The following FGF18 variants were observed in gnomAD, a reference collection of about 807,000 sequenced individuals.
The protein encoded by FGF18 is fibroblast growth factor 18.
Under a neutral mutation model 23.0 loss-of-function variants are expected in FGF18, and 5 were observed. The observed-to-expected ratio is 0.22, with a 90% confidence interval of 0.11 to 0.46. FGF18 has a LOEUF of 0.46. Among genes scored for constraint, FGF18 ranks in the 20% least tolerant of loss-of-function variants. The probability of loss-of-function intolerance (pLI) is 0.99; values close to 1 mark genes in which losing one functional copy is unlikely to be tolerated. For synonymous variants in FGF18, 117 were observed against 118.9 expected (o/e 0.98, Z 0.10); for missense variants, 180 against 291.6 (o/e 0.62, Z 2.79).
intron 3 of FGF18, among the ~76,000 whole-genome samples, chr5:171,438,082 CT>C (rs1772279505): frequency 6.6e-6 from 1 of 151,040 alleles, no homozygotes; most frequent in African/African-American, 2.4e-5. Context: ...TAACGCAGTG[CT>C]TCTTCTTTTT....
At chr5:171,450,418 AC>A (rs1772480529) in intron 4 of FGF18, among the ~76,000 whole-genome samples, 1 of 152,164 alleles carries the variant, frequency 6.6e-6, no homozygotes, top group African/African-American at 2.4e-5. Context: ...CCGGCACTGA[AC>A]TGAAACGCTC....
chr5:171,443,500 C>CTTTTTTTTTTTTTTTTTTT lies in FGF18; in HGVS notation c.251-5647_251-5646insTTTTTTTTTTTTTTTTTTT, dbSNP rs766926286. 1.5e-3 allele frequency among the ~76,000 whole-genome samples: 103 copies of CTTTTTTTTTTTTTTTTTTT among 70,296 alleles called. 19 individuals carry two copies. Among genetic ancestry groups the CTTTTTTTTTTTTTTTTTTT allele is most frequent in the African/African-American group, 1.8e-3 (42 of 23,690 alleles). The allele number at this position is 70,296 out of a possible 152,430, so 46.1% of individuals were successfully genotyped here. A position where few individuals can be genotyped will look rare whatever the true frequency, so the allele number is the denominator to read the frequency against. ...TCAGATAAGTATTCACTGTTATCAT[C>CTTTTTTTTTTTTTTTTTTT]ATTTTTTTTTTTTTTTTTTTTTTTT... On this transcript the variant is annotated intron_variant, in intron 3 of 4. Coordinates refer to ENST00000274625, the MANE Select transcript of FGF18 (RefSeq NM_003862.3).
At chr5:171,445,781 G>A (rs956614675) in intron 3 of FGF18, among the ~76,000 whole-genome samples, 10 of 152,112 alleles carry the variant, frequency 6.6e-5, no homozygotes, top group African/African-American at 7.2e-5. Context: ...ACGGTGGCCC[G>A]GCCAGGGCAG....
intron 3 of FGF18, among the ~76,000 whole-genome samples, chr5:171,438,099 CTTTTT>C (rs372013681): frequency 1.5e-5 from 2 of 135,684 alleles, no homozygotes. Flanking sequence ...TTTTTCTTTT[CTTTTT>C]TTTTTTTTTT....
rs555488887 is a variant in FGF18 at position 171,440,343 on chromosome 5, C to G, written c.250+4070C>G. On this transcript the variant is annotated intron_variant, in intron 3 of 4. Coordinates refer to ENST00000274625, the MANE Select transcript of FGF18 (RefSeq NM_003862.3). The surrounding 1 kb of genome is among the most constrained non-coding windows in gnomAD (Gnocchi z 4.0). ...GTACTCCTGTCTGCTGTCAGTGGGACCTGGCAGGTTAGATGCAGGTAGAAG... is the reference window on the plus strand; with the variant it reads ...GTACTCCTGTCTGCTGTCAGTGGGAGCTGGCAGGTTAGATGCAGGTAGAAG... 2.4e-4 allele frequency among the ~76,000 whole-genome samples: 36 copies of G among 152,114 alleles called. No individual in the cohort carries two copies. Among genetic ancestry groups the G allele is most frequent in the African/African-American group, 8.2e-4 (34 of 41,470 alleles).
intron 2 of FGF18, among the ~76,000 whole-genome samples, chr5:171,425,876 C>G (rs1016216053): frequency 6.6e-6 from 1 of 152,172 alleles, no homozygotes; most frequent in Non-Finnish European, 1.5e-5. Context: ...CACAACCAGC[C>G]TGGAACTAGG....
chr5:171,432,853 G>T (rs150598627), intron 2 of FGF18, among the ~76,000 whole-genome samples: 40 of 152,322 alleles, frequency 2.6e-4, no homozygotes, highest in Non-Finnish European at 5.3e-4. Context: ...ACTTTTGGCC[G>T]CCGCCTTTTG....
At chr5:171,428,066 A>G (rs1262809336) in intron 2 of FGF18, among the ~76,000 whole-genome samples, 1 of 152,132 alleles carries the variant, frequency 6.6e-6, no homozygotes, top group Non-Finnish European at 1.5e-5. Flanking sequence ...GCTCATGATA[A>G]GTGTTAAGTA....
chr5:171,438,728 G>T (rs1157879307), intron 3 of FGF18, among the ~76,000 whole-genome samples: 1 of 152,044 alleles, frequency 6.6e-6, no homozygotes, highest in African/African-American at 2.4e-5. Context: ...TGAGGCCAAG[G>T]GACCCCATCT....
Position 171,436,134 on chromosome 5 carries a change from G to C in FGF18, c.111G>C (p.Val37=). 6.3e-7 allele frequency: 1 copy of C among 1,582,524 alleles called. No homozygotes were observed. Among genetic ancestry groups the C allele is most frequent in the Non-Finnish European group, 8.6e-7 (1 of 1,160,288 alleles). Reference sequence around the variant, plus strand: ...AGAACGTGGACTTCCGCATCCACGTGGAGAACCAGACGCGGGCTCGGGACG... The same window carrying C: ...AGAACGTGGACTTCCGCATCCACGTCGAGAACCAGACGCGGGCTCGGGACG... ...AEENVDFRIH[V]ENQTRARDDV... Residue 37 remains valine (V), a synonymous_variant, in exon 3 of 5, where the codon GTG becomes GTC. Coordinates refer to ENST00000274625, the MANE Select transcript of FGF18 (RefSeq NM_003862.3). The surrounding 1 kb of genome is among the most constrained non-coding windows in gnomAD (Gnocchi z 4.4).
intron 4 of FGF18, 85 bp downstream of exon 4, chr5:171,449,338 C>T: frequency 6.4e-6 from 5 of 787,286 alleles, no homozygotes; most frequent in Non-Finnish European, 1.1e-5. Context: ...AGGGCACTGT[C>T]AGTCCCAAAT....
chr5:171,432,020 G>T (rs538426214), intron 2 of FGF18, among the ~76,000 whole-genome samples: 2 of 152,190 alleles, frequency 1.3e-5, no homozygotes, highest in African/African-American at 4.8e-5. Context: ...CTGCACTCCA[G>T]TCTGGGTGAC....
intron 3 of FGF18, among the ~76,000 whole-genome samples, chr5:171,443,532 T>TTTTTTTTC: frequency 9.4e-6 from 1 of 106,890 alleles, no homozygotes; most frequent in South Asian, 3.2e-4. Flanking sequence ...TTTTTTTTTT[T>TTTTTTTTC]AGCAGAGACA....
intron 2 of FGF18, among the ~76,000 whole-genome samples, chr5:171,428,034 G>A (rs567839984): frequency 6.6e-6 from 1 of 152,190 alleles, no homozygotes; most frequent in African/African-American, 2.4e-5. Context: ...CTGCCCGGGG[G>A]AGGCACTTGG....
rs780217888 is a variant in FGF18, at chr5:171,456,652, G to C, written c.471G>C (p.Gly157=). The change falls in exon 5 of 5, where the codon GGG becomes GGC. Residue 157 remains glycine, a synonymous_variant. Coordinates refer to ENST00000274625, the MANE Select transcript of FGF18 (RefSeq NM_003862.3). This position sits in a 1 kb window ranked among gnomAD's most constrained non-coding sequence, Gnocchi z 6.1. ...GGTACGTGGGCTTCACCAAGAAGGGGCGGCCGCGGAAGGGCCCCAAGACCC... is the reference window on the plus strand; with the variant it reads ...GGTACGTGGGCTTCACCAAGAAGGGCCGGCCGCGGAAGGGCCCCAAGACCC... ...SGWYVGFTKK[G]RPRKGPKTRE... is the part of the protein sequence containing the mutation. The C allele has an allele frequency of 1.2e-6, 2 of 1,614,068 alleles. No individual in the cohort carries two copies. Among genetic ancestry groups the C allele is most frequent in the South Asian group, 2.2e-5 (2 of 91,072 alleles).
At position 171,436,506 on chromosome 5, in the gene FGF18, G is replaced by A. The variant is rs556419500; in HGVS notation, c.250+233G>A. ...GATGTGAATGAAAAGTTCTTTGGCC[G>A]GTAAATGCCCCATAAGTCGCATTTG... On this transcript the variant is annotated intron_variant, in intron 3 of 4. Coordinates refer to ENST00000274625, the MANE Select transcript of FGF18 (RefSeq NM_003862.3). This position sits in a 1 kb window ranked among gnomAD's most constrained non-coding sequence, Gnocchi z 4.4. Among the ~76,000 whole-genome samples, 6 of 152,316 alleles carry A rather than the reference G, an allele frequency of 3.9e-5. No homozygotes were observed. The South Asian group carries it at 6.2e-4, about 16-fold the overall frequency.
At chr5:171,452,735 G>A (rs1772534751) in intron 4 of FGF18, among the ~76,000 whole-genome samples, 1 of 152,150 alleles carries the variant, frequency 6.6e-6, no homozygotes, top group African/African-American at 2.4e-5. Context: ...GCAACATAGA[G>A]CCACAGACCT....
chr5:171,420,044 C>G lies in FGF18; in HGVS notation c.-156C>G, dbSNP rs1468246386. The G allele has an allele frequency of 4.4e-6, 2 of 454,630 alleles. No individual in the cohort carries two copies. The highest frequency in any genetic ancestry group is 6.7e-6 in the Non-Finnish European group (2 of 299,096). The allele number at this position is 454,630 out of a possible 1,614,324, so 28.2% of individuals were successfully genotyped here. A position where few individuals can be genotyped will look rare whatever the true frequency, so the allele number is the denominator to read the frequency against. On this transcript the variant is annotated 5_prime_UTR_variant, in exon 1 of 5. Coordinates refer to ENST00000274625, the MANE Select transcript of FGF18 (RefSeq NM_003862.3). The stretch of plus-strand genomic sequence containing the variant: ...CCGCAGGGCGCGCCGCGGAGCGCCC[C>G]GGAGCAGCAGAGTCTGCAGCAGCAG...
At chr5:171,420,542 C>A in intron 2 of FGF18, 99 bp downstream of exon 2, 1 of 1,225,764 alleles carries the variant, frequency 8.2e-7, no homozygotes, top group Non-Finnish European at 1.2e-6. Flanking sequence ...CCCCACCCCT[C>A]CTGGGCGCTG....
Sources: allele counts gnomAD v4.1 joint callset (sites outside exome capture counted in the v4.1 genomes callset), GRCh38; gene constraint gnomAD v4.1.1; non-coding constraint Gnocchi (gnomAD v3.1); transcripts MANE v1.5; gene names NCBI Gene and HGNC (gene_info 2026-07-23, HGNC 2026-07-21).